The following VTA1 variants were observed in gnomAD, a reference collection of about 807,000 sequenced individuals.
VTA1 encodes vesicle trafficking 1.
VTA1 carries 24 observed loss-of-function variants against 36.9 expected under a neutral mutation model. The ratio of observed to expected loss-of-function variants is 0.65; its 90% CI spans 0.47 to 0.91. The LOEUF (loss-of-function observed/expected upper bound fraction) is 0.91, where lower values mean the gene tolerates loss of function less well. VTA1 is among the 40% of genes least tolerant of loss of function. The pLI, the probability that VTA1 is intolerant of heterozygous loss-of-function variation, is 0.00. For synonymous variants in VTA1, 142 were observed against 130.2 expected, an observed-to-expected ratio of 1.09 and a Z score of -0.62; for missense variants, 393 against 377.2, an observed-to-expected ratio of 1.04 and a Z score of -0.35.
chr6:142,205,743 A>G (rs2114680463), intron 7 of VTA1, among the ~76,000 whole-genome samples: 1 of 152,306 alleles, frequency 6.6e-6, no homozygotes, highest in South Asian at 2.1e-4. Context: ...TTTAATATAT[A>G]GAATAGGAGC....
Position 142,224,486 on chromosome 6 carries a change from A to G in VTA1, c.*5843A>G, listed in dbSNP as rs935189185. ...TACTATTGATCACTTAACTTTATGTATCACGTAAGTTAAACTTTATTTATT... is the reference window on the plus strand; with the variant it reads ...TACTATTGATCACTTAACTTTATGTGTCACGTAAGTTAAACTTTATTTATT... On this transcript the variant is annotated 3_prime_UTR_variant, in exon 8 of 8. Coordinates refer to ENST00000367630, the MANE Select transcript of VTA1 (RefSeq NM_016485.5). The G allele has an allele frequency of 4.6e-5, 7 of 152,348 alleles. No homozygotes were observed. The highest frequency in any genetic ancestry group is 2.1e-4 in the South Asian group (1 of 4,832). 9.4% of individuals were successfully genotyped at this position (152,348 alleles called of 1,614,324 possible).
intron 7 of VTA1, among the ~76,000 whole-genome samples, chr6:142,211,805 G>A (rs145788241): frequency 4.6e-5 from 7 of 151,042 alleles, no homozygotes; most frequent in Non-Finnish European, 7.4e-5. Context: ...CAAAATATAC[G>A]TAGAACTCCT....
intron 7 of VTA1, among the ~76,000 whole-genome samples, chr6:142,210,295 A>G (rs1342174903): frequency 6.6e-6 from 1 of 152,198 alleles, no homozygotes; most frequent in East Asian, 1.9e-4. Flanking sequence ...TACATCTGAA[A>G]CCTCAAATCT....
At chr6:142,148,264 T>G (rs1157795281) in intron 1 of VTA1, among the ~76,000 whole-genome samples, 6 of 152,208 alleles carry the variant, frequency 3.9e-5, no homozygotes, top group Non-Finnish European at 7.3e-5. Context: ...ATCTGGTCAC[T>G]GTTATCTCTG....
At chr6:142,202,519 C>T (rs186137109) in intron 6 of VTA1, among the ~76,000 whole-genome samples, 3 of 151,956 alleles carry the variant, frequency 2.0e-5, no homozygotes, top group East Asian at 1.9e-4. Flanking sequence ...CAGATTTATA[C>T]GTATTAATCT....
At chr6:142,160,534 A>G (rs1217133942) in intron 1 of VTA1, among the ~76,000 whole-genome samples, 1 of 151,918 alleles carries the variant, frequency 6.6e-6, no homozygotes, top group Non-Finnish European at 1.5e-5. Flanking sequence ...AGTCTCCCTG[A>G]ATTCACTCCA....
chr6:142,193,722 T>G (rs1775495288), intron 5 of VTA1, among the ~76,000 whole-genome samples: 1 of 151,758 alleles, frequency 6.6e-6, no homozygotes, highest in South Asian at 2.1e-4. Context: ...TGGTATCTAG[T>G]ATACAGCTAT....
At chr6:142,204,843 A>G (rs563055071) in intron 7 of VTA1, among the ~76,000 whole-genome samples, 7 of 150,118 alleles carry the variant, frequency 4.7e-5, no homozygotes, top group East Asian at 1.9e-4. Context: ...TCCTACCTCA[A>G]CCTCCCCAGT....
At chr6:142,179,320 T>A (rs1775181660) in intron 4 of VTA1, among the ~76,000 whole-genome samples, 1 of 152,142 alleles carries the variant, frequency 6.6e-6, no homozygotes, top group African/African-American at 2.4e-5. Context: ...TGGTCATTTT[T>A]TTTTTAATGC....
At chr6:142,172,221 G>A (rs1775040948) in intron 4 of VTA1, among the ~76,000 whole-genome samples, 1 of 152,162 alleles carries the variant, frequency 6.6e-6, no homozygotes, top group Non-Finnish European at 1.5e-5. Flanking sequence ...GTGTTGGCCA[G>A]GATGATCTCA....
chr6:142,151,253 C>G (rs1243052401), intron 1 of VTA1, among the ~76,000 whole-genome samples: 1 of 152,166 alleles, frequency 6.6e-6, no homozygotes, highest in African/African-American at 2.4e-5. Context: ...AGTGGGAAAT[C>G]TCAGTCTTTC....
At chr6:142,209,548 GTA>G (rs1775859471) in intron 7 of VTA1, among the ~76,000 whole-genome samples, 1 of 149,110 alleles carries the variant, frequency 6.7e-6, no homozygotes, top group Non-Finnish European at 1.5e-5. Flanking sequence ...TACACTATGT[GTA>G]TATATTAATA....
intron 2 of VTA1, among the ~76,000 whole-genome samples, 183 bp from the exon 3 acceptor site, chr6:142,169,367 G>A (rs1463245787): frequency 3.9e-5 from 6 of 152,078 alleles, no homozygotes; most frequent in African/African-American, 1.4e-4. Context: ...GTAAGCATTG[G>A]ATTTTGTTTT....
intron 1 of VTA1, among the ~76,000 whole-genome samples, chr6:142,148,882 G>T (rs1049841159): frequency 2.0e-5 from 3 of 152,166 alleles, no homozygotes; most frequent in Non-Finnish European, 4.4e-5. Context: ...CTTGCTGGAA[G>T]GAGGAGTAAG....
chr6:142,197,131 C>G (rs768216101), intron 5 of VTA1, among the ~76,000 whole-genome samples: 4 of 152,158 alleles, frequency 2.6e-5, no homozygotes, highest in Non-Finnish European at 5.9e-5. Flanking sequence ...TGGTCATGCT[C>G]TAGTGCCTTT....
chr6:142,209,849 C>G (rs1775867441), intron 7 of VTA1, among the ~76,000 whole-genome samples: 1 of 152,040 alleles, frequency 6.6e-6, no homozygotes, highest in African/African-American at 2.4e-5. Context: ...TCTACAGATT[C>G]TGTGCAATCC....
intron 4 of VTA1, among the ~76,000 whole-genome samples, chr6:142,173,187 A>G (rs1775059076): frequency 6.6e-6 from 1 of 152,248 alleles, no homozygotes; most frequent in African/African-American, 2.4e-5. Flanking sequence ...GGGACAATTC[A>G]AGTTATAAGA....
intron 1 of VTA1, among the ~76,000 whole-genome samples, chr6:142,163,599 A>G (rs926998189): frequency 6.6e-6 from 1 of 152,110 alleles, no homozygotes; most frequent in Non-Finnish European, 1.5e-5. Context: ...AACTGCTTTT[A>G]GTTAAGACAG....
rs17071517 is a variant in VTA1, at chr6:142,176,975, C to T, written c.411+6554C>T. Among the ~76,000 whole-genome samples, 48 of 152,230 alleles carry T rather than the reference C, an allele frequency of 3.2e-4. No individual in the cohort carries two copies. The East Asian group carries it at 7.5e-3, about 24-fold the overall frequency. ...TTAAGGGTATCCGTGTGTACTGGAA[C>T]GTTTCAAAGTGAGCAACATCTTATT... is the stretch of plus-strand genomic sequence containing the variant. On this transcript the variant is annotated intron_variant, in intron 4 of 7. Transcript: ENST00000367630.
Sources: allele counts gnomAD v4.1 joint callset (sites outside exome capture counted in the v4.1 genomes callset), GRCh38; gene constraint gnomAD v4.1.1; transcripts MANE v1.5; gene names NCBI Gene and HGNC (gene_info 2026-07-23, HGNC 2026-07-21).